SOX10: variants seen among roughly 807,000 people sequenced by gnomAD.
The protein encoded by SOX10 is transcription factor SOX-10.
A neutral mutation model predicts 35.0 loss-of-function variants in SOX10; 3 were observed. The ratio of observed to expected loss-of-function variants is 0.09; its 90% CI spans 0.04 to 0.22. SOX10 has a LOEUF of 0.22. SOX10 is among the 10% of genes least tolerant of loss of function. The pLI is 1.00. For missense variants in SOX10, 436 were observed against 655.1 expected, an observed-to-expected ratio of 0.67 and a Z score of 3.65; for synonymous variants, 285 against 291.0, an observed-to-expected ratio of 0.98 and a Z score of 0.21.
chr22:37,977,767 G>T, intron 3 of SOX10, 100 bp downstream of exon 3: 2 of 1,322,336 alleles, frequency 1.5e-6, no homozygotes, highest in Non-Finnish European at 2.1e-6. Flanking sequence ...GCACAGCCTG[G>T]CACGCTCTCC....
At chr22:37,979,836 G>A (rs973306625) in intron 2 of SOX10, among the ~76,000 whole-genome samples, 1 of 152,100 alleles carries the variant, frequency 6.6e-6, no homozygotes, top group African/African-American at 2.4e-5. Flanking sequence ...TTGGTACTGA[G>A]AATCCATGAG....
chr22:37,983,304 T>C lies in SOX10; in HGVS notation c.428+53A>G, dbSNP rs112862172. Reference sequence around the variant, plus strand: ...GGAGGCCGGGCCGCCTCGGCTACCCTGAATCCACCCGAAGCTAGAGGGCCC... The same window carrying C: ...GGAGGCCGGGCCGCCTCGGCTACCCCGAATCCACCCGAAGCTAGAGGGCCC... On this transcript the variant is annotated intron_variant, in intron 2 of 3. Transcript: ENST00000396884. The surrounding 1 kb of genome is among the most constrained non-coding windows in gnomAD (Gnocchi z 9.5). 42 of 1,560,558 alleles carry C rather than the reference T, an allele frequency of 2.7e-5. No homozygotes were observed. The African/African-American group carries it at 2.7e-4, about 10-fold the overall frequency.
rs368750200 is a variant in SOX10 at position 37,975,924 on chromosome 22, C to A, written c.698-1726G>T. On this transcript the variant is annotated intron_variant, in intron 3 of 3. Transcript: ENST00000396884. ...ACTTCTTGTGCACTTGTTTCTCTCT[C>A]TATATATATACTATATATATAGTAA... Among the ~76,000 whole-genome samples the A allele has an allele frequency of 3.9e-3, 589 of 150,994 alleles. 2 individuals are homozygous for A. Among genetic ancestry groups the A allele is most frequent in the Non-Finnish European group, 4.9e-3 (336 of 67,988 alleles).
chr22:37,976,416 T>C (rs1049641555), intron 3 of SOX10, among the ~76,000 whole-genome samples: 2 of 152,270 alleles, frequency 1.3e-5, no homozygotes, highest in Admixed American at 1.3e-4. Context: ...CTCTCTAGAC[T>C]ATGGGCCCCT....
Position 37,974,347 on chromosome 22 carries a change from GT to G in SOX10, c.698-150del, listed in dbSNP as rs916489152. ...TTCACATTTTGGCAGCATGAGTCGGGTTTTTTTTTGTTTTTTTTTTTTGAGA... is the reference window on the plus strand; with the variant it reads ...TTCACATTTTGGCAGCATGAGTCGGGTTTTTTTTGTTTTTTTTTTTTGAGA... On this transcript the variant is annotated intron_variant, in intron 3 of 3. Coordinates refer to ENST00000396884, the MANE Select transcript of SOX10 (RefSeq NM_006941.4). The surrounding 1 kb of genome is among the most constrained non-coding windows in gnomAD (Gnocchi z 5.4). 3.3e-5 allele frequency: 19 copies of G among 584,228 alleles called. No individual in the cohort carries two copies. The highest frequency in any genetic ancestry group is 5.9e-5 in the African/African-American group (3 of 50,462). The allele number at this position is 584,228 out of a possible 1,614,324, so 36.2% of individuals were successfully genotyped here. A position where few individuals can be genotyped will look rare whatever the true frequency, so the allele number is the denominator to read the frequency against.
At chr22:37,975,413 A>G (rs1310424371) in intron 3 of SOX10, among the ~76,000 whole-genome samples, 1 of 152,122 alleles carries the variant, frequency 6.6e-6, no homozygotes, top group Non-Finnish European at 1.5e-5. Flanking sequence ...AAGGGTGAGA[A>G]AAAGTCTGTG....
At chr22:37,981,544 A>G (rs1314430395) in intron 2 of SOX10, among the ~76,000 whole-genome samples, 1 of 152,210 alleles carries the variant, frequency 6.6e-6, no homozygotes, top group South Asian at 2.1e-4. Flanking sequence ...GACAGGGACA[A>G]TGGAGGAGCC....
Position 37,974,273 on chromosome 22 carries a change from C to A in SOX10, c.698-75G>T, listed in dbSNP as rs1932157868. On this transcript the variant is annotated intron_variant, in intron 3 of 3. Transcript: ENST00000396884. The surrounding 1 kb of genome is among the most constrained non-coding windows in gnomAD (Gnocchi z 5.4). The stretch of plus-strand genomic sequence containing the variant: ...GAGGCAGGTGGGCGCACGTGAACTT[C>A]CATGGTTCACCTTCAGGCAGCGGGT... The A allele has an allele frequency of 9.0e-7, 1 of 1,117,004 alleles. No individual in the cohort carries two copies. The highest frequency in any genetic ancestry group is 1.3e-6 in the Non-Finnish European group (1 of 761,680). 69.2% of individuals were successfully genotyped at this position (1,117,004 alleles called of 1,614,324 possible).
At position 37,973,809 on chromosome 22, in the gene SOX10, G is replaced by A. The variant is rs747475086; in HGVS notation, c.1087C>T (p.Pro363Ser). ...KAQVKTETAGPQGPPHYTDQP... is the reference protein window; with the variant it reads ...KAQVKTETAGSQGPPHYTDQP... ...TCGGTGTAGTGTGGGGGCCCCTGGG[G>A]CCCCGCGGTCTCTGTCTTCACCTGG... The change falls in exon 4 of 4, where the codon CCC becomes TCC. Residue 363 changes from proline to serine, a missense_variant. By Grantham distance (74) the Pro-to-Ser change is moderately conservative (BLOSUM62 -1). Around this residue, in one of 3 missense-constraint regions of SOX10, gnomAD observed 285 missense variants for 402.9 expected, o/e 0.71. Transcript: ENST00000396884. 6.3e-7 allele frequency: 1 copy of A among 1,598,184 alleles called. No individual in the cohort carries two copies. Among genetic ancestry groups the A allele is most frequent in the Non-Finnish European group, 8.6e-7 (1 of 1,169,572 alleles).
At position 37,978,031 on chromosome 22, in the gene SOX10, C is replaced by T. The variant is rs2145768407; in HGVS notation, c.533G>A (p.Arg178Gln). 2 of 1,611,284 alleles carry T rather than the reference C, an allele frequency of 1.2e-6. No homozygotes were observed. Among genetic ancestry groups the T allele is most frequent in the East Asian group, 2.2e-5 (1 of 44,822 alleles). Residue 178 changes from arginine (R) to glutamine (Q), a missense_variant, in exon 3 of 4, where the codon CGG becomes CAG. By Grantham distance (43) the Arg-to-Gln change is conservative. This residue lies in a region of SOX10 where 285 missense variants were observed against 402.9 expected (regional missense o/e 0.71). Coordinates refer to ENST00000396884, the MANE Select transcript of SOX10 (RefSeq NM_006941.4). This position sits in a 1 kb window ranked among gnomAD's most constrained non-coding sequence, Gnocchi z 5.0. ...HPDYKYQPRR[R>Q]KNGKAAQGEA... ...GCCCTGGGCGGCCTTCCCGTTCTTCCGCCGCCTGGGCTGGTACTTGTAGTC... is the reference window on the plus strand; with the variant it reads ...GCCCTGGGCGGCCTTCCCGTTCTTCTGCCGCCTGGGCTGGTACTTGTAGTC...
At position 37,980,397 on chromosome 22, in the gene SOX10, G is replaced by T. The variant is rs937530787; in HGVS notation, c.429-2262C>A. Among the ~76,000 whole-genome samples, 5 of 152,152 alleles carry T rather than the reference G, an allele frequency of 3.3e-5. No individual in the cohort carries two copies. The highest frequency in any genetic ancestry group is 9.7e-5 in the African/African-American group (4 of 41,420). On this transcript the variant is annotated intron_variant, in intron 2 of 3. Coordinates refer to ENST00000396884, the MANE Select transcript of SOX10 (RefSeq NM_006941.4). This position sits in a 1 kb window ranked among gnomAD's most constrained non-coding sequence, Gnocchi z 4.1. ...CCCAGCTGGCAGCCAGCATCAGCAA[G>T]AAAGTGACAGGGGCCAGAAGAGAGA... is the stretch of plus-strand genomic sequence containing the variant.
chr22:37,974,108 A>G lies in SOX10; in HGVS notation c.788T>C (p.Met263Thr). ...KADPKRDGRS[M>T]GEGGKPHIDF... ...GATGTGAGGCTTCCCGCCCTCCCCC[A>G]TGGAGCGCCCGTCCCGCTTCGGGTC... The change falls in exon 4 of 4, where the codon ATG (methionine) becomes ACG (threonine). Residue 263 changes from methionine to threonine, a missense_variant. Met to Thr is a moderately conservative substitution (Grantham distance 81). Transcript: ENST00000396884. The surrounding 1 kb of genome is among the most constrained non-coding windows in gnomAD (Gnocchi z 5.4). 6.8e-6 allele frequency: 11 copies of G among 1,611,740 alleles called. No individual in the cohort carries two copies. Among genetic ancestry groups the G allele is most frequent in the Non-Finnish European group, 9.3e-6 (11 of 1,179,038 alleles).
chr22:37,978,284 G>C lies in SOX10; in HGVS notation c.429-149C>G. 1 of 815,342 alleles carries C rather than the reference G, an allele frequency of 1.2e-6. No homozygotes were observed. The highest frequency in any genetic ancestry group is 1.9e-5 in the South Asian group (1 of 51,348). 50.5% of individuals were successfully genotyped at this position (815,342 alleles called of 1,614,324 possible). A position where few individuals can be genotyped will look rare whatever the true frequency, so the allele number is the denominator to read the frequency against. ...GAGGACAGGACCCGGGGTGGGGGCTGTGCCCTATGATTTGTGGACTGAGAG... is the reference window on the plus strand; with the variant it reads ...GAGGACAGGACCCGGGGTGGGGGCTCTGCCCTATGATTTGTGGACTGAGAG... On this transcript the variant is annotated intron_variant, in intron 2 of 3. Transcript: ENST00000396884. This position sits in a 1 kb window ranked among gnomAD's most constrained non-coding sequence, Gnocchi z 5.0.
chr22:37,976,418 T>C (rs1417545868), intron 3 of SOX10, among the ~76,000 whole-genome samples: 1 of 152,194 alleles, frequency 6.6e-6, no homozygotes, highest in Non-Finnish European at 1.5e-5. Flanking sequence ...CTCTAGACTA[T>C]GGGCCCCTGA....
At chr22:37,979,879 G>C (rs1932342488) in intron 2 of SOX10, among the ~76,000 whole-genome samples, 1 of 152,092 alleles carries the variant, frequency 6.6e-6, no homozygotes, top group Non-Finnish European at 1.5e-5. Context: ...TGTCAGTCCA[G>C]AGGGCTTGTC....
At position 37,983,760 on chromosome 22, in the gene SOX10, C is replaced by T; in HGVS notation, c.25G>A (p.Glu9Lys). The change falls in exon 2 of 4, where the codon GAG becomes AAG. Residue 9 changes from glutamate to lysine, a missense_variant. Around this residue, in one of 3 missense-constraint regions of SOX10, gnomAD observed 97 missense variants for 95.5 expected, o/e 1.02. Coordinates refer to ENST00000396884, the MANE Select transcript of SOX10 (RefSeq NM_006941.4). The surrounding 1 kb of genome is among the most constrained non-coding windows in gnomAD (Gnocchi z 9.5). MAEEQDLS[E>K]VELSPVGSEE... is the part of the protein sequence containing the mutation. ...GAGCCCACGGGGCTCAGCTCCACCT[C>T]CGATAGGTCCTGCTCCTCCGCCATG... 6.7e-7 allele frequency: 1 copy of T among 1,487,692 alleles called. No homozygotes were observed. The allele number at this position is 1,487,692 out of a possible 1,614,324, so 92.2% of individuals were successfully genotyped here. A position where few individuals can be genotyped will look rare whatever the true frequency, so the allele number is the denominator to read the frequency against.
intron 2 of SOX10, among the ~76,000 whole-genome samples, chr22:37,981,596 G>A (rs1335260605): frequency 6.6e-6 from 1 of 152,202 alleles, no homozygotes; most frequent in Non-Finnish European, 1.5e-5. Context: ...GGAAAATGAG[G>A]TCCGTCCTTG....
chr22:37,974,173 A>G lies in SOX10; in HGVS notation c.723T>C (p.Pro241=). Residue 241 remains proline (P), a synonymous_variant, in exon 4 of 4, where the codon CCT becomes CCC. Coordinates refer to ENST00000396884, the MANE Select transcript of SOX10 (RefSeq NM_006941.4). This position sits in a 1 kb window ranked among gnomAD's most constrained non-coding sequence, Gnocchi z 5.4. ...GCAGCTCTGTCTTCGGGGTGGTTGGAGGGGTGGGTGGGCCATGGCTCTGGC... is the reference window on the plus strand; with the variant it reads ...GCAGCTCTGTCTTCGGGGTGGTTGGGGGGGTGGGTGGGCCATGGCTCTGGC... ...PSGQSHGPPT[P]PTTPKTELQS... 9.2e-7 allele frequency: 1 copy of G among 1,092,834 alleles called. No individual in the cohort carries two copies. Among genetic ancestry groups the G allele is most frequent in the Non-Finnish European group, 1.3e-6 (1 of 772,620 alleles). The allele number at this position is 1,092,834 out of a possible 1,614,324, so 67.7% of individuals were successfully genotyped here. A position where few individuals can be genotyped will look rare whatever the true frequency, so the allele number is the denominator to read the frequency against.
intron 3 of SOX10, 62 bp downstream of exon 3, chr22:37,977,805 A>T (rs576922858): frequency 1.3e-6 from 2 of 1,540,642 alleles, no homozygotes; most frequent in South Asian, 2.4e-5. Context: ...ATTGCCATCC[A>T]GCCATCTCCT....
Sources: gnomAD v4.1 joint callset for allele counts (sites outside exome capture counted in the v4.1 genomes callset) on GRCh38, gnomAD v4.1.1 for gene constraint, gnomAD v4.1.1 regional missense constraint, Gnocchi (gnomAD v3.1) non-coding constraint, MANE v1.5 for transcripts, NCBI Gene and HGNC (gene_info 2026-07-23, HGNC 2026-07-21) for gene names.